The following NAALADL2 variants were observed in gnomAD, a reference collection of about 807,000 sequenced individuals.
NAALADL2 encodes the protein N-acetylated alpha-linked acidic dipeptidase like 2, also known as inactive N-acetylated-alpha-linked acidic dipeptidase-like protein 2.
Under a neutral mutation model 87.2 loss-of-function variants are expected in NAALADL2, and 76 were observed. That is an observed-to-expected ratio of 0.87 (90% CI 0.72 to 1.05). The LOEUF (loss-of-function observed/expected upper bound fraction) is 1.05. Among genes scored for constraint, NAALADL2 ranks in the 50% least tolerant of loss-of-function variants. The pLI, the probability that NAALADL2 is intolerant of heterozygous loss-of-function variation, is 0.00. For missense variants in NAALADL2, 1,089 were observed against 945.8 expected (o/e 1.15, Z -1.99); for synonymous variants, 354 against 331.0 (o/e 1.07, Z -0.75).
At chr3:175,067,983 A>G (rs59324524) in intron 1 of NAALADL2, among the ~76,000 whole-genome samples, 14,710 of 152,166 alleles carry the variant, frequency 0.097, 1,594 homozygotes, top group African/African-American at 0.27. Flanking sequence ...GAATTAATGT[A>G]GGAATAGAAA....
At position 174,522,055 on chromosome 3, in the gene NAALADL2, C is replaced by T. The variant is rs1238126510; in HGVS notation, c.-183-28514C>T. Among the ~76,000 whole-genome samples the T allele has an allele frequency of 5.3e-5, 8 of 151,790 alleles. 1 individual carries two copies. Among genetic ancestry groups the T allele is most frequent in the Non-Finnish European group, 1.2e-4 (8 of 67,930 alleles). ...TCCAAGCTGCAGTGAGCCCTGATTG[C>T]ACCACTACACTCCAGCCTGGGCAAC... On this transcript the variant is annotated intron_variant, in intron 1 of 3. Coordinates refer to the NAALADL2 transcript ENST00000434257.
At chr3:175,494,325 G>GCATA (rs1313360511) in intron 9 of NAALADL2, among the ~76,000 whole-genome samples, 1 of 152,050 alleles carries the variant, frequency 6.6e-6, no homozygotes, top group Non-Finnish European at 1.5e-5. Context: ...AAACATGCAT[G>GCATA]CATACAGAAG....
At chr3:175,546,672 T>A (rs769224731) in intron 9 of NAALADL2, among the ~76,000 whole-genome samples, 10 of 152,220 alleles carry the variant, frequency 6.6e-5, no homozygotes, top group Non-Finnish European at 1.3e-4. Context: ...AAATTCTGGG[T>A]TGGAAATTCT....
At chr3:175,450,046 G>A (rs1349153968) in intron 6 of NAALADL2, among the ~76,000 whole-genome samples, 1 of 151,896 alleles carries the variant, frequency 6.6e-6, no homozygotes, top group Non-Finnish European at 1.5e-5. Context: ...ACTGAGTCTG[G>A]TAAATCAGTA....
chr3:175,465,783 A>T (rs1391447017), intron 7 of NAALADL2, among the ~76,000 whole-genome samples: 2 of 152,164 alleles, frequency 1.3e-5, no homozygotes, highest in African/African-American at 4.8e-5. Context: ...AACCTTAATA[A>T]AATGTTGGCA....
chr3:174,541,829 T>C (rs1057130656), intron 1 of NAALADL2, among the ~76,000 whole-genome samples: 3 of 152,158 alleles, frequency 2.0e-5, no homozygotes, highest in African/African-American at 7.2e-5. Context: ...AGCACCAAAA[T>C]TGGGGCTTAG....
At chr3:175,536,047 C>T (rs1030588847) in intron 9 of NAALADL2, among the ~76,000 whole-genome samples, 20 of 152,150 alleles carry the variant, frequency 1.3e-4, no homozygotes, top group Non-Finnish European at 1.5e-5. Flanking sequence ...CAACTTTTTG[C>T]ACTGTTCACA....
At chr3:174,834,201 G>T (rs1042305922) in intron 3 of NAALADL2, among the ~76,000 whole-genome samples, 13 of 148,186 alleles carry the variant, frequency 8.8e-5, no homozygotes, top group African/African-American at 3.3e-4. Context: ...AGTAAATGGG[G>T]ACAACTATAT....
intron 2 of NAALADL2, among the ~76,000 whole-genome samples, chr3:175,223,340 A>ATT (rs71626204): frequency 2.4e-4 from 34 of 139,982 alleles, no homozygotes; most frequent in East Asian, 8.3e-4. Context: ...TATTAGTTTG[A>ATT]TTTTTTTTTT....
At chr3:175,438,722 C>A (rs1480518743) in intron 5 of NAALADL2, among the ~76,000 whole-genome samples, 1 of 152,038 alleles carries the variant, frequency 6.6e-6, no homozygotes, top group Non-Finnish European at 1.5e-5. Flanking sequence ...AATATTTAAT[C>A]ATGGCTGAAA....
At chr3:175,487,692 T>C (rs755133749) in intron 9 of NAALADL2, 43 of 334,292 alleles carry the variant, frequency 1.3e-4, no homozygotes, top group Non-Finnish European at 2.2e-4. Flanking sequence ...TTCAGAATTA[T>C]TAGTACAATG....
intron 5 of NAALADL2, among the ~76,000 whole-genome samples, chr3:175,327,169 T>A (rs1487806549): frequency 7.4e-6 from 1 of 135,624 alleles, no homozygotes; most frequent in East Asian, 2.0e-4. Context: ...TTTTTTTTTT[T>A]TTCTGAGATG....
intron 5 of NAALADL2, among the ~76,000 whole-genome samples, chr3:175,432,008 G>A (rs965905499): frequency 4.6e-5 from 7 of 151,668 alleles, no homozygotes; most frequent in African/African-American, 1.7e-4. Context: ...CCTAATTCAT[G>A]CAGCTATTAC....
intron 2 of NAALADL2, among the ~76,000 whole-genome samples, chr3:174,645,643 T>TC (rs928673842): frequency 6.6e-6 from 1 of 152,218 alleles, no homozygotes; most frequent in Non-Finnish European, 1.5e-5. Context: ...AGGTTTTTTT[T>TC]CACATATATA....
intron 9 of NAALADL2, among the ~76,000 whole-genome samples, chr3:175,502,245 G>C (rs1272521288): frequency 6.6e-6 from 1 of 151,942 alleles, no homozygotes; most frequent in Non-Finnish European, 1.5e-5. Flanking sequence ...GTGTGTGTGT[G>C]TGTGTGTGTG....
At chr3:175,025,462 T>C (rs191100347) in intron 1 of NAALADL2, among the ~76,000 whole-genome samples, 1 of 152,244 alleles carries the variant, frequency 6.6e-6, no homozygotes, top group Admixed American at 6.5e-5. Flanking sequence ...TCCTTATCAA[T>C]GAAAGTTATA....
chr3:175,568,878 A>G (rs1328382209), intron 9 of NAALADL2, among the ~76,000 whole-genome samples: 1 of 152,224 alleles, frequency 6.6e-6, no homozygotes, highest in East Asian at 1.9e-4. Context: ...CAAATTAGCA[A>G]TAAGTTCAAG....
At chr3:175,355,530 A>T (rs572739526) in intron 5 of NAALADL2, among the ~76,000 whole-genome samples, 3 of 152,142 alleles carry the variant, frequency 2.0e-5, no homozygotes, top group African/African-American at 7.2e-5. Flanking sequence ...TGAAGTGTCA[A>T]CTGAGGCTAT....
At chr3:174,927,619 A>G (rs1176329032) in intron 1 of NAALADL2, among the ~76,000 whole-genome samples, 3 of 152,222 alleles carry the variant, frequency 2.0e-5, no homozygotes, top group African/African-American at 7.2e-5. Context: ...CTGGGTACAT[A>G]ACGAAATGAA....
Sources: gnomAD v4.1 joint callset for allele counts (sites outside exome capture counted in the v4.1 genomes callset) on GRCh38, gnomAD v4.1.1 for gene constraint, MANE v1.5 for transcripts, NCBI Gene and HGNC (gene_info 2026-07-23, HGNC 2026-07-21) for gene names.